Variants in NFIX observed in about 807,000 individuals in gnomAD.
The protein encoded by NFIX is nuclear factor I X, also known as nuclear factor 1 X-type.
A neutral mutation model predicts 53.3 loss-of-function variants in NFIX; 2 were observed. That is an observed-to-expected ratio of 0.04 (90% CI 0.02 to 0.12). NFIX has a LOEUF of 0.12. NFIX is among the 10% of genes least tolerant of loss of function. The pLI, the probability that NFIX is intolerant of heterozygous loss-of-function variation, is 1.00. For missense variants in NFIX, 310 were observed against 674.5 expected (o/e 0.46, Z 5.99); for synonymous variants, 244 against 289.0 (o/e 0.84, Z 1.58).
At chr19:13,024,434 G>C in intron 1 of NFIX, 1 of 1,428,070 alleles carries the variant, frequency 7.0e-7, no homozygotes, top group South Asian at 1.5e-5. Context: ...AAAACAGCCT[G>C]GGGAGAGGGA....
In NFIX at chr19:13,001,798, G is replaced by T. The variant is rs1026751154; in HGVS notation, c.27+5934G>T. 7.2e-5 allele frequency among the ~76,000 whole-genome samples: 11 copies of T among 152,246 alleles called. No homozygotes were observed. The highest frequency in any genetic ancestry group is 4.6e-4 in the Admixed American group (7 of 15,288). ...TTGGCCTCCGAGCACCATGTGAGAT[G>T]CCTGCTATGGCGGCCGGGCAAGCGG... On this transcript the variant is annotated intron_variant, in intron 1 of 10. Transcript: ENST00000592199. This position sits in a 1 kb window ranked among gnomAD's most constrained non-coding sequence, Gnocchi z 6.5.
At chr19:13,030,608 A>G (rs185789201) in intron 2 of NFIX, among the ~76,000 whole-genome samples, 3 of 152,088 alleles carry the variant, frequency 2.0e-5, no homozygotes, top group African/African-American at 7.2e-5. Flanking sequence ...ACCAGTCCCT[A>G]ATGCCTCCCA....
intron 8 of NFIX, among the ~76,000 whole-genome samples, chr19:13,086,610 G>A (rs1249820049): frequency 6.6e-6 from 1 of 152,168 alleles, no homozygotes; most frequent in Non-Finnish European, 1.5e-5. Flanking sequence ...CCTCCACCCA[G>A]CCCCTCCAGC....
intron 2 of NFIX, among the ~76,000 whole-genome samples, chr19:13,031,333 C>T (rs1311405046): frequency 1.3e-5 from 2 of 152,106 alleles, no homozygotes; most frequent in Non-Finnish European, 2.9e-5. Context: ...CAGAGGGGAC[C>T]TAGAGGCCTG....
rs2012986996 is a variant in NFIX at position 13,022,344 on chromosome 19, G to A, written c.28-2677G>A. Among the ~76,000 whole-genome samples the A allele has an allele frequency of 6.6e-6, 1 of 152,188 alleles. No individual in the cohort carries two copies. The highest frequency in any genetic ancestry group is 1.5e-5 in the Non-Finnish European group (1 of 68,038). On this transcript the variant is annotated intron_variant, in intron 1 of 10. Coordinates refer to ENST00000592199, the MANE Select transcript of NFIX (RefSeq NM_001365902.3). This position sits in a 1 kb window ranked among gnomAD's most constrained non-coding sequence, Gnocchi z 4.5. ...AAGGAGGAGGCTGAGCTTGCTGGGGGCTGGGGGAGAAGGGAGGGACGTGTG... is the reference window on the plus strand; with the variant it reads ...AAGGAGGAGGCTGAGCTTGCTGGGGACTGGGGGAGAAGGGAGGGACGTGTG...
rs1200276955 is a variant in NFIX at position 13,093,816 on chromosome 19, A to G, written c.1495-819A>G. Among the ~76,000 whole-genome samples, 1 of 152,102 alleles carries G rather than the reference A, an allele frequency of 6.6e-6. No homozygotes were observed. Among genetic ancestry groups the G allele is most frequent in the African/African-American group, 2.4e-5 (1 of 41,396 alleles). On this transcript the variant is annotated intron_variant, in intron 10 of 10. Transcript: ENST00000592199. This position sits in a 1 kb window ranked among gnomAD's most constrained non-coding sequence, Gnocchi z 4.7. Reference sequence around the variant, plus strand: ...AGACCACAGTAGACCCTGACCCACCACTTTGCCAGGAGGTGGGGCTGGAGC... The same window carrying G: ...AGACCACAGTAGACCCTGACCCACCGCTTTGCCAGGAGGTGGGGCTGGAGC...
At chr19:13,034,206 G>C (rs2014016221) in intron 2 of NFIX, among the ~76,000 whole-genome samples, 1 of 152,204 alleles carries the variant, frequency 6.6e-6, no homozygotes, top group Middle Eastern at 3.2e-3. Flanking sequence ...TGTGGTCTCT[G>C]TCACTCTCTA....
At chr19:13,029,228 T>C (rs1252945591) in intron 2 of NFIX, among the ~76,000 whole-genome samples, 3 of 152,200 alleles carry the variant, frequency 2.0e-5, no homozygotes, top group Admixed American at 6.5e-5. Context: ...CCAGGCATTA[T>C]AGCTTTTCAT....
At position 13,012,916 on chromosome 19, in the gene NFIX, C is replaced by T. The variant is rs2012444260; in HGVS notation, c.28-12105C>T. On this transcript the variant is annotated intron_variant, in intron 1 of 10. Transcript: ENST00000592199. This position sits in a 1 kb window ranked among gnomAD's most constrained non-coding sequence, Gnocchi z 5.0. ...GGGGAGTAAAGGCGGGGAAATTTAC[C>T]AGGGGAGATTTTTGTTTCCAGGGTT... is the stretch of plus-strand genomic sequence containing the variant. Among the ~76,000 whole-genome samples the T allele has an allele frequency of 6.6e-6, 1 of 150,884 alleles. No individual in the cohort carries two copies. Among genetic ancestry groups the T allele is most frequent in the South Asian group, 2.1e-4 (1 of 4,728 alleles).
intron 1 of NFIX, among the ~76,000 whole-genome samples, chr19:13,019,469 A>C (rs937219436): frequency 6.6e-6 from 1 of 151,420 alleles, no homozygotes; most frequent in Non-Finnish European, 1.5e-5. Context: ...CTGTCTTCTT[A>C]TTTTTCTTCC....
intron 2 of NFIX, among the ~76,000 whole-genome samples, chr19:13,029,438 C>CATTGCGAT (rs533601724): frequency 1.2e-3 from 181 of 152,260 alleles, no homozygotes; most frequent in Non-Finnish European, 2.4e-4. Context: ...GTCAGTCCTG[C>CATTGCGAT]ATTGCGATGG....
chr19:13,023,547 G>A (rs1214636277), intron 1 of NFIX, among the ~76,000 whole-genome samples: 1 of 151,602 alleles, frequency 6.6e-6, no homozygotes, highest in Non-Finnish European at 1.5e-5. Context: ...TTTTTGTTTT[G>A]CACGGGGGTG....
At position 13,006,110 on chromosome 19, in the gene NFIX, TAAAC is replaced by T. The variant is rs2012000716; in HGVS notation, c.27+10249_27+10252del. On this transcript the variant is annotated intron_variant, in intron 1 of 10. Coordinates refer to ENST00000592199, the MANE Select transcript of NFIX (RefSeq NM_001365902.3). The surrounding 1 kb of genome is among the most constrained non-coding windows in gnomAD (Gnocchi z 5.6). ...GTGGGAGGGCAGACTGTGAATCTGA[TAAAC>T]AAGGGAGTGTCCAGTCCTTGAGATG... 6.6e-6 allele frequency among the ~76,000 whole-genome samples: 1 copy of T among 152,288 alleles called. No homozygotes were observed. The highest frequency in any genetic ancestry group is 2.4e-5 in the African/African-American group (1 of 41,558).
intron 2 of NFIX, among the ~76,000 whole-genome samples, chr19:13,069,415 G>A (rs907508114): frequency 6.6e-6 from 1 of 152,332 alleles, no homozygotes; most frequent in Admixed American, 6.5e-5. Context: ...GCACCTGCCC[G>A]CGTTGTGCCA....
intron 1 of NFIX, among the ~76,000 whole-genome samples, chr19:13,018,770 T>C (rs1286585642): frequency 2.0e-5 from 3 of 152,226 alleles, no homozygotes; most frequent in African/African-American, 4.8e-5. Flanking sequence ...CACTGTCTTC[T>C]TGTGGCCTTC....
In NFIX at chr19:13,051,421, C is replaced by A. The variant is rs980886704; in HGVS notation, c.560-21626C>A. Among the ~76,000 whole-genome samples the A allele has an allele frequency of 1.3e-5, 2 of 152,180 alleles. No individual in the cohort carries two copies. The highest frequency in any genetic ancestry group is 2.9e-5 in the Non-Finnish European group (2 of 68,020). On this transcript the variant is annotated intron_variant, in intron 2 of 10. Transcript: ENST00000592199. The surrounding 1 kb of genome is among the most constrained non-coding windows in gnomAD (Gnocchi z 5.1). ...AGGAGGGGAATGCTGTCTGACCTGA[C>A]AGCATTGCACAAGTCAGCCGTCCTG...
rs1049596487 is a variant in NFIX, at chr19:13,066,063, C to G, written c.560-6984C>G. On this transcript the variant is annotated intron_variant, in intron 2 of 10. Transcript: ENST00000592199. This position sits in a 1 kb window ranked among gnomAD's most constrained non-coding sequence, Gnocchi z 4.2. ...GACTGTAGGAGACAGGCCTTCTTCACCTCGACACCGTGTGGGGCCTGAGGC... is the reference window on the plus strand; with the variant it reads ...GACTGTAGGAGACAGGCCTTCTTCAGCTCGACACCGTGTGGGGCCTGAGGC... 6.6e-6 allele frequency among the ~76,000 whole-genome samples: 1 copy of G among 152,162 alleles called. No individual in the cohort carries two copies. Among genetic ancestry groups the G allele is most frequent in the South Asian group, 2.1e-4 (1 of 4,830 alleles).
intron 1 of NFIX, among the ~76,000 whole-genome samples, chr19:13,008,985 G>A (rs1460389846): frequency 1.3e-5 from 2 of 152,310 alleles, no homozygotes; most frequent in East Asian, 1.9e-4. Flanking sequence ...GGTCCTCACC[G>A]AGGTAGATTT....
At chr19:13,057,552 C>T (rs1321147195) in intron 2 of NFIX, among the ~76,000 whole-genome samples, 1 of 152,180 alleles carries the variant, frequency 6.6e-6, no homozygotes, top group African/African-American at 2.4e-5. Context: ...CGGGCCCTCC[C>T]CTGCTCATGT....
Sources: allele counts gnomAD v4.1 joint callset (sites outside exome capture counted in the v4.1 genomes callset), GRCh38; gene constraint gnomAD v4.1.1; non-coding constraint Gnocchi (gnomAD v3.1); transcripts MANE v1.5; gene names NCBI Gene and HGNC (gene_info 2026-07-23, HGNC 2026-07-21).